SSUH2: variants seen among roughly 807,000 people sequenced by gnomAD.
SSUH2 encodes the protein ssu-2 homolog.
A neutral mutation model predicts 55.3 loss-of-function variants in SSUH2; 47 were observed. That is an observed-to-expected ratio of 0.85 (90% CI 0.67 to 1.08). SSUH2 has a LOEUF of 1.08. Ranked by LOEUF, SSUH2 falls within the 50% of genes least tolerant of loss-of-function variation. SSUH2 has a pLI of 0.00. For synonymous variants in SSUH2, 212 were observed against 191.5 expected, an observed-to-expected ratio of 1.11 and a Z score of -0.89; for missense variants, 535 against 490.7, an observed-to-expected ratio of 1.09 and a Z score of -0.85.
intron 7 of SSUH2, chr3:8,652,171 T>C (rs529640792): frequency 1.3e-5 from 2 of 152,380 alleles, no homozygotes; most frequent in Non-Finnish European, 2.9e-5. Context: ...GTGTCCAAAG[T>C]GCGACAGAAC....
intron 7 of SSUH2, among the ~76,000 whole-genome samples, chr3:8,653,582 T>C (rs1380622971): frequency 6.6e-6 from 1 of 152,230 alleles, no homozygotes; most frequent in Non-Finnish European, 1.5e-5. Flanking sequence ...GTAGCAGATT[T>C]TACATTTAGC....
At chr3:8,653,526 T>A (rs544274283) in intron 7 of SSUH2, among the ~76,000 whole-genome samples, 3 of 152,366 alleles carry the variant, frequency 2.0e-5, no homozygotes, top group African/African-American at 7.2e-5. Flanking sequence ...TCTTTCTGTG[T>A]CAACAGCATA....
At chr3:8,633,266 C>A (rs1362137964) in intron 4 of SSUH2, among the ~76,000 whole-genome samples, 2 of 151,818 alleles carry the variant, frequency 1.3e-5, no homozygotes, top group Non-Finnish European at 2.9e-5. Flanking sequence ...GCCTCAGCCT[C>A]CCGAGTAGCT....
At chr3:8,621,638 G>A (rs1696456726) in intron 11 of SSUH2, among the ~76,000 whole-genome samples, 1 of 152,296 alleles carries the variant, frequency 6.6e-6, no homozygotes, top group East Asian at 1.9e-4. Context: ...TGTGAAATGG[G>A]AATAAAAACT....
At chr3:8,640,707 T>C (rs1423939132) in intron 1 of SSUH2, among the ~76,000 whole-genome samples, 1 of 152,028 alleles carries the variant, frequency 6.6e-6, no homozygotes, top group Non-Finnish European at 1.5e-5. Flanking sequence ...GCATGAATAG[T>C]TGGTTTGGGA....
chr3:8,623,930 C>T (rs1207279927), intron 10 of SSUH2, among the ~76,000 whole-genome samples: 1 of 152,206 alleles, frequency 6.6e-6, no homozygotes, highest in Non-Finnish European at 1.5e-5. Context: ...GTGACCATGG[C>T]TGGTGTGGTC....
At chr3:8,666,598 A>C (rs963577709) in intron 5 of SSUH2, among the ~76,000 whole-genome samples, 2 of 152,182 alleles carry the variant, frequency 1.3e-5, no homozygotes, top group African/African-American at 4.8e-5. Context: ...CACCGCAACA[A>C]TCATCAACAC....
Position 8,633,728 on chromosome 3 carries a change from A to AG in SSUH2, c.276dup (p.Tyr93LeufsTer28), listed in dbSNP as rs747556993. ...AGGTCTCCAGCCACCGTGCTGCTGT[A>AG]GCAGCACTTAGAGTCCACAAAGCTG... On this transcript the variant is annotated frameshift_variant, in exon 4 of 12. Coordinates refer to ENST00000544814, the MANE Select transcript of SSUH2 (RefSeq NM_001256748.3). LOFTEE classifies it high-confidence loss of function. 1.9e-6 allele frequency: 3 copies of AG among 1,588,748 alleles called. No homozygotes were observed. Among genetic ancestry groups the AG allele is most frequent in the Non-Finnish European group, 1.7e-6 (2 of 1,166,132 alleles).
intron 3 of SSUH2, 43 bp from the exon 4 acceptor site, chr3:8,633,838 C>T: frequency 1.2e-6 from 2 of 1,612,990 alleles, no homozygotes; most frequent in Non-Finnish European, 1.7e-6. Context: ...CTGGGAAGGG[C>T]CTGTGGACTC....
chr3:8,642,700 T>G (rs188489440), intron 1 of SSUH2, among the ~76,000 whole-genome samples: 28 of 152,330 alleles, frequency 1.8e-4, no homozygotes, highest in Admixed American at 1.7e-3. Flanking sequence ...ACTCATATTA[T>G]AGACCTGAAA....
chr3:8,659,435 C>A, intron 6 of SSUH2: 1 of 164,476 alleles, frequency 6.1e-6, no homozygotes, highest in South Asian at 1.6e-4. Context: ...CTCCTCCAGG[C>A]AGCCTTCCCT....
chr3:8,662,235 G>A (rs1220094352), intron 6 of SSUH2, among the ~76,000 whole-genome samples: 1 of 152,206 alleles, frequency 6.6e-6, no homozygotes, highest in African/African-American at 2.4e-5. Context: ...CTGCTTGCAA[G>A]ACATGCAGAA....
intron 3 of SSUH2, among the ~76,000 whole-genome samples, chr3:8,676,616 G>A (rs114127468): frequency 0.071 from 10,670 of 150,974 alleles, 695 homozygotes; most frequent in Non-Finnish European, 0.1. Flanking sequence ...TGTACACATC[G>A]TGCTCTATTA....
chr3:8,662,953 A>G (rs767725195), intron 6 of SSUH2, among the ~76,000 whole-genome samples: 11 of 152,256 alleles, frequency 7.2e-5, no homozygotes, highest in Non-Finnish European at 1.6e-4. Context: ...TACCAAGGCC[A>G]TATCGATGCT....
At chr3:8,658,623 G>A (rs773443878) in intron 7 of SSUH2, among the ~76,000 whole-genome samples, 5 of 152,182 alleles carry the variant, frequency 3.3e-5, no homozygotes, top group African/African-American at 4.8e-5. Flanking sequence ...CACTGGAAAG[G>A]CAAAGGCCAG....
At chr3:8,623,706 C>G (rs767151291) in intron 10 of SSUH2, 50 bp from the exon 11 acceptor site, 25 of 995,368 alleles carry the variant, frequency 2.5e-5, no homozygotes, top group African/African-American at 6.5e-5. Context: ...GCACCTGGAG[C>G]CTTGGAAGTC....
intron 7 of SSUH2, 151 bp downstream of exon 7, chr3:8,629,513 G>C: frequency 1.5e-6 from 1 of 648,796 alleles, no homozygotes; most frequent in Non-Finnish European, 2.7e-6. Context: ...TTTTATAGAC[G>C]GGAAAATGGA....
chr3:8,648,997 G>A (rs1702063847), upstream of SSUH2, among the ~76,000 whole-genome samples: 1 of 152,084 alleles, frequency 6.6e-6, no homozygotes. Context: ...GCCCTTCCCT[G>A]ACTCACCCTG....
rs779099549 is a variant in SSUH2 at position 8,623,662 on chromosome 3, G to A, written c.874-6C>T. 17 of 1,474,268 alleles carry A rather than the reference G, an allele frequency of 1.2e-5. No homozygotes were observed. The East Asian group carries it at 3.3e-4, about 29-fold the overall frequency. 91.3% of individuals were successfully genotyped at this position (1,474,268 alleles called of 1,614,324 possible). ...AAGTCCACGATGGGGTACACCTGGGGGAAAGAGAGAGAGACACAGACCACC... is the reference window on the plus strand; with the variant it reads ...AAGTCCACGATGGGGTACACCTGGGAGAAAGAGAGAGAGACACAGACCACC... On this transcript the variant is annotated splice_region_variant and splice_polypyrimidine_tract_variant and intron_variant, in intron 10 of 11. Transcript: ENST00000544814.
Sources: gnomAD v4.1 joint callset for allele counts (sites outside exome capture counted in the v4.1 genomes callset) on GRCh38, gnomAD v4.1.1 for gene constraint, MANE v1.5 for transcripts, NCBI Gene and HGNC (gene_info 2026-07-23, HGNC 2026-07-21) for gene names.